The following LNPEP variants were observed in gnomAD, a reference collection of about 807,000 sequenced individuals.
LNPEP encodes the protein leucyl and cystinyl aminopeptidase.
Under a neutral mutation model 120.6 loss-of-function variants are expected in LNPEP, and 64 were observed. That is an observed-to-expected ratio of 0.53 (90% CI 0.43 to 0.65). LNPEP has a LOEUF of 0.65. Among genes scored for constraint, LNPEP ranks in the 30% least tolerant of loss-of-function variants. LNPEP has a pLI of 0.00. For synonymous variants in LNPEP, 435 were observed against 425.4 expected, an observed-to-expected ratio of 1.02 and a Z score of -0.28; for missense variants, 1,057 against 1,200.0, an observed-to-expected ratio of 0.88 and a Z score of 1.76.
chr5:96,976,693 T>C (rs1158178434), intron 1 of LNPEP, among the ~76,000 whole-genome samples: 1 of 152,016 alleles, frequency 6.6e-6, no homozygotes, highest in Non-Finnish European at 1.5e-5. Context: ...CCTGAGAGCA[T>C]AATCTTCCCA....
chr5:97,022,801 C>G (rs1791239334), intron 14 of LNPEP, among the ~76,000 whole-genome samples: 1 of 112,526 alleles, frequency 8.9e-6, no homozygotes, highest in Non-Finnish European at 1.7e-5. Context: ...CCCCACCCCA[C>G]AACAGTCCCC....
At chr5:97,015,237 A>G (rs565362872) in intron 13 of LNPEP, 142 bp downstream of exon 13, 11 of 531,834 alleles carry the variant, frequency 2.1e-5, no homozygotes, top group South Asian at 4.2e-5. Flanking sequence ...ATCTTTACTT[A>G]AAATCAAGAT....
chr5:96,937,812 C>T (rs111370511), intron 1 of LNPEP: 19 of 152,292 alleles, frequency 1.2e-4, no homozygotes, highest in Admixed American at 3.3e-4. Context: ...TAGATTGCTT[C>T]TAGATGTGGG....
chr5:96,969,940 A>C (rs998369607), intron 1 of LNPEP, among the ~76,000 whole-genome samples: 1 of 151,254 alleles, frequency 6.6e-6, no homozygotes, highest in Non-Finnish European at 1.5e-5. Context: ...TTCTTCTTTG[A>C]CTTATGGATT....
At chr5:97,020,807 C>CA (rs997119183) in intron 13 of LNPEP, among the ~76,000 whole-genome samples, 7 of 151,188 alleles carry the variant, frequency 4.6e-5, no homozygotes, top group African/African-American at 1.5e-4. Flanking sequence ...ATCTCAAAAA[C>CA]AAAAAAAAGA....
rs1278820039 is a variant in LNPEP, at chr5:96,954,733, TACATATATATATAC to T, written c.19+18573_19+18586del. On this transcript the variant is annotated intron_variant, in intron 1 of 17. Coordinates refer to ENST00000231368, the MANE Select transcript of LNPEP (RefSeq NM_005575.3). ...ATACACATATATATACATATATATA[TACATATATATATAC>T]ACATATATATATATATATATATATA... Among the ~76,000 whole-genome samples, 2 of 105,042 alleles carry T rather than the reference TACATATATATATAC, an allele frequency of 1.9e-5. 1 individual carries two copies. The highest frequency in any genetic ancestry group is 4.0e-5 in the Non-Finnish European group (2 of 50,568). The allele number at this position is 105,042 out of a possible 152,430, so 68.9% of individuals were successfully genotyped here.
chr5:96,954,766 A>T (rs1175417821), intron 1 of LNPEP, among the ~76,000 whole-genome samples: 3 of 40,956 alleles, frequency 7.3e-5, no homozygotes, highest in African/African-American at 2.7e-4. Context: ...ATATATATAT[A>T]TATATATTTT....
chr5:96,990,325 A>G (rs769565438), intron 4 of LNPEP, among the ~76,000 whole-genome samples: 6 of 152,186 alleles, frequency 3.9e-5, no homozygotes, highest in Non-Finnish European at 5.9e-5. Flanking sequence ...ACAGTCCTGT[A>G]TCAAGGGCTT....
intron 1 of LNPEP, among the ~76,000 whole-genome samples, chr5:96,975,574 C>T (rs1365201940): frequency 1.3e-5 from 2 of 152,066 alleles, no homozygotes; most frequent in Non-Finnish European, 2.9e-5. Context: ...CACTGCTTCT[C>T]ACATTATCTG....
At chr5:97,012,613 A>G (rs891109735) in intron 11 of LNPEP, among the ~76,000 whole-genome samples, 1 of 152,214 alleles carries the variant, frequency 6.6e-6, no homozygotes, top group African/African-American at 2.4e-5. Context: ...AAATAATAGT[A>G]AACCTCAAGA....
chr5:96,986,720 A>G, intron 4 of LNPEP, 50 bp downstream of exon 4: 4 of 1,555,028 alleles, frequency 2.6e-6, no homozygotes, highest in Non-Finnish European at 3.5e-6. Context: ...AGAGGCTCAG[A>G]GGACCTCTTG....
At chr5:96,991,411 A>G (rs572194495) in intron 4 of LNPEP, among the ~76,000 whole-genome samples, 4 of 152,286 alleles carry the variant, frequency 2.6e-5, no homozygotes, top group Admixed American at 2.6e-4. Context: ...GTACTAGTTT[A>G]CATTCCCACC....
At chr5:97,027,621 G>T in intron 16 of LNPEP, 112 bp from the exon 17 acceptor site, 1 of 679,348 alleles carries the variant, frequency 1.5e-6, no homozygotes, top group South Asian at 1.8e-5. Flanking sequence ...TTGCAGTTCC[G>T]GGAGGAGGAT....
intron 13 of LNPEP, among the ~76,000 whole-genome samples, chr5:97,021,927 T>G (rs1240285624): frequency 1.5e-5 from 2 of 132,366 alleles, no homozygotes; most frequent in South Asian, 5.4e-4. Context: ...TCTTTTGTTT[T>G]TTTTTTTTTT....
intron 8 of LNPEP, among the ~76,000 whole-genome samples, chr5:97,001,819 A>T (rs1222460696): frequency 6.6e-6 from 1 of 152,164 alleles, no homozygotes; most frequent in Non-Finnish European, 1.5e-5. Context: ...TTTGTATGGC[A>T]CCAGGAAGTT....
In LNPEP at chr5:96,936,115, G is replaced by C. The variant is rs1394832525; in HGVS notation, c.-41G>C. On this transcript the variant is annotated 5_prime_UTR_variant, in exon 1 of 18. Transcript: ENST00000231368. ...GCCGCCTCAGCTCTCGGAGTAGGAA[G>C]CTCGGGCGCTCCGGCTGTAAGGAGC... is the stretch of plus-strand genomic sequence containing the variant. The C allele has an allele frequency of 2.4e-5, 36 of 1,514,904 alleles. No homozygotes were observed. Among genetic ancestry groups the C allele is most frequent in the Non-Finnish European group, 3.1e-5 (35 of 1,131,806 alleles). The allele number at this position is 1,514,904 out of a possible 1,614,324, so 93.8% of individuals were successfully genotyped here.
intron 4 of LNPEP, among the ~76,000 whole-genome samples, chr5:96,988,339 C>T (rs947434542): frequency 1.2e-3 from 144 of 125,176 alleles, no homozygotes; most frequent in African/African-American, 3.6e-3. Context: ...TTTTTCTTTT[C>T]TTTTTTTTTT....
chr5:97,024,394 TA>T, intron 14 of LNPEP, 126 bp from the exon 15 acceptor site: 1 of 820,336 alleles, frequency 1.2e-6, no homozygotes, highest in Non-Finnish European at 1.9e-6. Flanking sequence ...TTCTCAACCC[TA>T]AATTGTGTAC....
chr5:96,964,368 A>G (rs938113877), intron 1 of LNPEP, among the ~76,000 whole-genome samples: 1 of 151,748 alleles, frequency 6.6e-6, no homozygotes, highest in Admixed American at 6.6e-5. Flanking sequence ...TATAGATAAT[A>G]TAAATACCCA....
Sources: gnomAD v4.1 joint callset for allele counts (sites outside exome capture counted in the v4.1 genomes callset) on GRCh38, gnomAD v4.1.1 for gene constraint, MANE v1.5 for transcripts, NCBI Gene and HGNC (gene_info 2026-07-23, HGNC 2026-07-21) for gene names.